The following SGO2 variants were observed in gnomAD, a reference collection of about 807,000 sequenced individuals.
SGO2 encodes the protein shugoshin-like 2.
A neutral mutation model predicts 99.5 loss-of-function variants in SGO2; 68 were observed. That is an observed-to-expected ratio of 0.68 (90% CI 0.56 to 0.84). SGO2 has a LOEUF of 0.84. Among genes scored for constraint, SGO2 ranks in the 40% least tolerant of loss-of-function variants. The probability of loss-of-function intolerance (pLI) is 0.00; values close to 1 mark genes in which losing one functional copy is unlikely to be tolerated. For missense variants in SGO2, 1,350 were observed against 1,436.7 expected, an observed-to-expected ratio of 0.94 and a Z score of 0.97; for synonymous variants, 457 against 487.1, an observed-to-expected ratio of 0.94 and a Z score of 0.81.
chr2:200,575,878 G>A lies in SGO2; in HGVS notation c.3782+417G>A, dbSNP rs2033637671. On this transcript the variant is annotated intron_variant, in intron 8 of 8. Coordinates refer to ENST00000357799, the MANE Select transcript of SGO2 (RefSeq NM_152524.6). Reference sequence around the variant, plus strand: ...ATAACAGTCCTTTCTCTTTATTTTTGTAAATTTCAAACATACCCCAACAAA... The same window carrying A: ...ATAACAGTCCTTTCTCTTTATTTTTATAAATTTCAAACATACCCCAACAAA... 2.0e-5 allele frequency among the ~76,000 whole-genome samples: 3 copies of A among 151,886 alleles called. No homozygotes were observed. In the South Asian group the frequency reaches 6.2e-4, roughly 32 times the overall value.
Position 200,571,865 on chromosome 2 carries a change from T to C in SGO2, c.1519T>C (p.Ser507Pro). The change falls in exon 7 of 9, where the codon TCC becomes CCC. Residue 507 changes from serine (S) to proline (P), a missense_variant. By Grantham distance (74) the Ser-to-Pro change is moderately conservative. Coordinates refer to ENST00000357799, the MANE Select transcript of SGO2 (RefSeq NM_152524.6). ...TNEQEETYSLSQSSGKFHQES... is the reference protein window; with the variant it reads ...TNEQEETYSLPQSSGKFHQES... Reference sequence around the variant, plus strand: ...TGAGCAAGAGGAAACATACTCTTTATCCCAAAGTTCAGGTAAATTTCACCA... The same window carrying C: ...TGAGCAAGAGGAAACATACTCTTTACCCCAAAGTTCAGGTAAATTTCACCA... 6.2e-7 allele frequency: 1 copy of C among 1,613,596 alleles called. No homozygotes were observed. Among genetic ancestry groups the C allele is most frequent in the Non-Finnish European group, 8.5e-7 (1 of 1,179,622 alleles).
intron 5 of SGO2, among the ~76,000 whole-genome samples, chr2:200,553,440 G>A (rs918236500): frequency 6.6e-6 from 1 of 152,078 alleles, no homozygotes; most frequent in African/African-American, 2.4e-5. Flanking sequence ...GCAACAGCCA[G>A]AGACCACTGA....
rs1382199994 is a variant in SGO2, at chr2:200,568,914, TTTGTTAACTTGTTTC to T, written c.474-748_474-734del. Among the ~76,000 whole-genome samples, 9 of 93,190 alleles carry T rather than the reference TTTGTTAACTTGTTTC, an allele frequency of 9.7e-5. No individual in the cohort carries two copies. The East Asian group carries it at 2.6e-3, about 27-fold the overall frequency. The allele number at this position is 93,190 out of a possible 152,430, so 61.1% of individuals were successfully genotyped here. ...CAGAAGCAGAACCTCTCCGTTTATT[TTTGTTAACTTGTTTC>T]CTCAAGTGGTATAGAAATTTCCTCC... is the stretch of plus-strand genomic sequence containing the variant. On this transcript the variant is annotated intron_variant, in intron 5 of 8. Coordinates refer to ENST00000357799, the MANE Select transcript of SGO2 (RefSeq NM_152524.6).
chr2:200,579,804 G>C (rs2033779343), intron 8 of SGO2, among the ~76,000 whole-genome samples: 1 of 152,080 alleles, frequency 6.6e-6, no homozygotes, highest in Non-Finnish European at 1.5e-5. Context: ...CATAACTGAT[G>C]TGAGTCTATA....
At chr2:200,559,544 A>G (rs2032857278) in intron 5 of SGO2, among the ~76,000 whole-genome samples, 10 of 152,144 alleles carry the variant, frequency 6.6e-5, no homozygotes, top group Admixed American at 6.5e-4. Flanking sequence ...TTTTAAAAAA[A>G]TAAGCATTTA....
chr2:200,548,369 C>G (rs2032330573), intron 5 of SGO2, among the ~76,000 whole-genome samples: 2 of 151,772 alleles, frequency 1.3e-5, no homozygotes, highest in Admixed American at 6.6e-5. Flanking sequence ...TCCTAAGCAA[C>G]CAATGGGTCA....
intron 1 of SGO2, among the ~76,000 whole-genome samples, chr2:200,529,021 T>C (rs1190125565): frequency 6.6e-6 from 1 of 152,226 alleles, no homozygotes; most frequent in Non-Finnish European, 1.5e-5. Flanking sequence ...GTGACCTTAA[T>C]GAACAGTTCC....
At chr2:200,577,593 C>G (rs2033708273) in intron 8 of SGO2, among the ~76,000 whole-genome samples, 1 of 152,122 alleles carries the variant, frequency 6.6e-6, no homozygotes, top group Non-Finnish European at 1.5e-5. Flanking sequence ...ACATCACTTT[C>G]TGTTTCAGAA....
At chr2:200,528,300 G>GC (rs1173653642) in intron 1 of SGO2, among the ~76,000 whole-genome samples, 2 of 152,210 alleles carry the variant, frequency 1.3e-5, no homozygotes, top group African/African-American at 4.8e-5. Context: ...GAAAATGGAA[G>GC]CAGGGACACC....
At position 200,569,880 on chromosome 2, in the gene SGO2, G is replaced by A; in HGVS notation, c.691G>A (p.Val231Ile). 6.3e-7 allele frequency: 1 copy of A among 1,578,402 alleles called. No individual in the cohort carries two copies. Among genetic ancestry groups the A allele is most frequent in the Non-Finnish European group, 8.7e-7 (1 of 1,148,960 alleles). The change falls in exon 6 of 9, where the codon GTA becomes ATA. Residue 231 changes from valine (V) to isoleucine (I), a missense_variant. Coordinates refer to ENST00000357799, the MANE Select transcript of SGO2 (RefSeq NM_152524.6). ...DSEHISSIVD[V>I]PPRESHSHSD... is the part of the protein sequence containing the mutation. ...AGAACATATTTCTTCTATAGTTGAT[G>A]TACCTCCCAGAGGTGAGATTGTTTT... is the stretch of plus-strand genomic sequence containing the variant.
intron 5 of SGO2, among the ~76,000 whole-genome samples, chr2:200,555,959 C>T (rs543647950): frequency 2.8e-4 from 42 of 152,098 alleles, no homozygotes; most frequent in African/African-American, 8.4e-4. Context: ...CTTGAATATC[C>T]GCTTTTTTTG....
At chr2:200,576,222 TTTTTC>T (rs1365993798) in intron 8 of SGO2, 16 of 223,804 alleles carry the variant, frequency 7.1e-5, no homozygotes, top group African/African-American at 3.1e-4. Context: ...GGGCCTTTTT[TTTTTC>T]TTTTTTCTTT....
At chr2:200,575,119 A>G (rs774810844) in intron 7 of SGO2, among the ~76,000 whole-genome samples, 192 bp from the exon 8 acceptor site, 6 of 152,016 alleles carry the variant, frequency 3.9e-5, no homozygotes, top group African/African-American at 7.2e-5. Flanking sequence ...TTTGGGAGCC[A>G]TATGTGATTT....
intron 5 of SGO2, among the ~76,000 whole-genome samples, chr2:200,546,545 C>A (rs906413307): frequency 3.3e-5 from 5 of 151,994 alleles, no homozygotes; most frequent in Admixed American, 6.6e-5. Context: ...AATTTAGTGA[C>A]TGATGAAGTG....
intron 5 of SGO2, among the ~76,000 whole-genome samples, chr2:200,552,394 A>G (rs1010617993): frequency 3.3e-5 from 5 of 152,052 alleles, no homozygotes. Context: ...TTTGTTTTTT[A>G]AGTGAAAGCA....
chr2:200,542,686 A>G, intron 5 of SGO2, 22 bp downstream of exon 5: 1 of 1,577,652 alleles, frequency 6.3e-7, no homozygotes, highest in Non-Finnish European at 8.7e-7. Flanking sequence ...CTTGAATTAC[A>G]CTAGTTCAGA....
In SGO2 at chr2:200,572,715, A is replaced by G. The variant is rs772251573; in HGVS notation, c.2369A>G (p.His790Arg). 9 of 1,612,882 alleles carry G rather than the reference A, an allele frequency of 5.6e-6. No individual in the cohort carries two copies. Among genetic ancestry groups the G allele is most frequent in the Middle Eastern group, 1.6e-4 (1 of 6,084 alleles). Reference sequence around the variant, plus strand: ...ATTCAAAATGTTTTGGGGGTGAAACATGGCCATGATATGCAACCTGCTTGT... The same window carrying G: ...ATTCAAAATGTTTTGGGGGTGAAACGTGGCCATGATATGCAACCTGCTTGT... Reference protein sequence around the residue: ...SEIQNVLGVKHGHDMQPACQN... With the variant: ...SEIQNVLGVKRGHDMQPACQN... Residue 790 changes from histidine (H) to arginine (R), a missense_variant, in exon 7 of 9, where the codon CAT becomes CGT. By Grantham distance (29) the His-to-Arg change is conservative. Transcript: ENST00000357799.
chr2:200,537,161 G>A (rs2031731844), intron 4 of SGO2, among the ~76,000 whole-genome samples: 1 of 151,964 alleles, frequency 6.6e-6, no homozygotes, highest in African/African-American at 2.4e-5. Flanking sequence ...CTAGGCTCCT[G>A]TTGTTGGACA....
At position 200,583,492 on chromosome 2, in the gene SGO2, G is replaced by A. The variant is rs759711955; in HGVS notation, c.*28G>A. On this transcript the variant is annotated 3_prime_UTR_variant, in exon 9 of 9. Coordinates refer to ENST00000357799, the MANE Select transcript of SGO2 (RefSeq NM_152524.6). ...TGAATTTATGGATTCTGGTTTTTCT[G>A]AATTTTCAAAGCATAAGGAATCAAA... The A allele has an allele frequency of 8.9e-6, 14 of 1,578,148 alleles. No homozygotes were observed. The highest frequency in any genetic ancestry group is 1.2e-5 in the Non-Finnish European group (14 of 1,163,310).
Sources: allele counts gnomAD v4.1 joint callset (sites outside exome capture counted in the v4.1 genomes callset), GRCh38; gene constraint gnomAD v4.1.1; transcripts MANE v1.5; gene names NCBI Gene and HGNC (gene_info 2026-07-23, HGNC 2026-07-21).